GLUD1: variants seen among roughly 807,000 people sequenced by gnomAD.
GLUD1 encodes glutamate dehydrogenase 1, mitochondrial.
Under a neutral mutation model 56.0 loss-of-function variants are expected in GLUD1, and 22 were observed. That is an observed-to-expected ratio of 0.39 (90% CI 0.28 to 0.56). The LOEUF (loss-of-function observed/expected upper bound fraction) is 0.56, where lower values mean the gene tolerates loss of function less well. Ranked by LOEUF, GLUD1 falls within the 20% of genes least tolerant of loss-of-function variation. The pLI, the probability that GLUD1 is intolerant of heterozygous loss-of-function variation, is 0.58. For synonymous variants in GLUD1, 223 were observed against 269.9 expected, an observed-to-expected ratio of 0.83 and a Z score of 1.70; for missense variants, 451 against 732.0, an observed-to-expected ratio of 0.62 and a Z score of 4.43.
chr10:87,060,554 G>A (rs540783202), intron 8 of GLUD1, 134 bp downstream of exon 8: 2 of 1,096,000 alleles, frequency 1.8e-6, no homozygotes, highest in East Asian at 2.3e-5. Context: ...TTAAATGGGG[G>A]AACTGTATGG....
chr10:87,055,590 G>C (rs1845751127), intron 11 of GLUD1, among the ~76,000 whole-genome samples: 1 of 152,128 alleles, frequency 6.6e-6, no homozygotes, highest in Non-Finnish European at 1.5e-5. Context: ...GAGACTTTCA[G>C]AGAGAGCCAC....
intron 5 of GLUD1, among the ~76,000 whole-genome samples, chr10:87,065,932 T>A (rs1431018102): frequency 6.6e-6 from 1 of 152,126 alleles, no homozygotes; most frequent in Non-Finnish European, 1.5e-5. Context: ...TCTGCCCATG[T>A]TCCCAGCCAC....
intron 1 of GLUD1, among the ~76,000 whole-genome samples, chr10:87,092,943 G>T (rs137982301): frequency 5.3e-5 from 8 of 152,126 alleles, no homozygotes; most frequent in Non-Finnish European, 1.0e-4. Flanking sequence ...GGAGACTGAC[G>T]GTGTGTACAT....
chr10:87,065,852 A>C (rs1846062335), intron 5 of GLUD1, among the ~76,000 whole-genome samples: 1 of 152,120 alleles, frequency 6.6e-6, no homozygotes, highest in South Asian at 2.1e-4. Context: ...GCATAGGAGG[A>C]AATGGAGGCA....
chr10:87,082,544 A>C (rs1841287398), intron 1 of GLUD1, among the ~76,000 whole-genome samples: 1 of 152,258 alleles, frequency 6.6e-6, no homozygotes, highest in African/African-American at 2.4e-5. Context: ...TAAAGAAAGT[A>C]CCAGCTTAGT....
At chr10:87,091,243 TG>T (rs11306284) in intron 1 of GLUD1, among the ~76,000 whole-genome samples, 103,077 of 151,336 alleles carry the variant, frequency 0.68, 35,460 homozygotes, top group East Asian at 0.84. Flanking sequence ...TCAAGACAAC[TG>T]GGGGGGGGCA....
Position 87,068,033 on chromosome 10 carries a change from G to A in GLUD1, c.741+30C>T, listed in dbSNP as rs747452517. 6.9e-6 allele frequency: 9 copies of A among 1,307,734 alleles called. No individual in the cohort carries two copies. In the South Asian group the frequency reaches 8.2e-5, roughly 12 times the overall value. The allele number at this position is 1,307,734 out of a possible 1,614,324, so 81.0% of individuals were successfully genotyped here. ...TTAATTCTTGTAGACAGCAAATGCA[G>A]AAGCCTCGGGGCTTCCAGTGGGTAC... On this transcript the variant is annotated intron_variant, in intron 5 of 12. Transcript: ENST00000277865.
intron 1 of GLUD1, among the ~76,000 whole-genome samples, chr10:87,080,183 G>A (rs1439314918): frequency 2.6e-5 from 4 of 151,966 alleles, no homozygotes; most frequent in Admixed American, 6.6e-5. Flanking sequence ...CGAGTGATCC[G>A]CCAGCCTAGG....
At chr10:87,090,781 T>C (rs976109367) in intron 1 of GLUD1, among the ~76,000 whole-genome samples, 3 of 152,238 alleles carry the variant, frequency 2.0e-5, no homozygotes, top group Non-Finnish European at 2.9e-5. Context: ...TTAAAAATAT[T>C]AGAAACTGTG....
In GLUD1 at chr10:87,068,097, A is replaced by T; in HGVS notation, c.707T>A (p.Ile236Asn). The T allele has an allele frequency of 6.2e-7, 1 of 1,613,254 alleles. No homozygotes were observed. The highest frequency in any genetic ancestry group is 8.5e-7 in the Non-Finnish European group (1 of 1,179,180). ...MSTGEREMSWIADTYASTIGH... is the reference protein window; with the variant it reads ...MSTGEREMSWNADTYASTIGH... ...TATGGTGCTGGCATAGGTATCAGCGATCCAGGACATCTCCCGCTCACCTGT... is the reference window on the plus strand; with the variant it reads ...TATGGTGCTGGCATAGGTATCAGCGTTCCAGGACATCTCCCGCTCACCTGT... Residue 236 changes from isoleucine (I) to asparagine (N), a missense_variant, in exon 5 of 13, where the codon ATC becomes AAC. Ile to Asn is a moderately radical substitution (Grantham distance 149). Coordinates refer to ENST00000277865, the MANE Select transcript of GLUD1 (RefSeq NM_005271.5).
rs1038395167 is a variant in GLUD1 at position 87,094,014 on chromosome 10, C to T, written c.445+311G>A. 2.0e-6 allele frequency: 3 copies of T among 1,474,262 alleles called. No homozygotes were observed. The highest frequency in any genetic ancestry group is 2.0e-5 in the Admixed American group (1 of 49,002). The allele number at this position is 1,474,262 out of a possible 1,614,324, so 91.3% of individuals were successfully genotyped here. A position where few individuals can be genotyped will look rare whatever the true frequency, so the allele number is the denominator to read the frequency against. On this transcript the variant is annotated intron_variant, in intron 1 of 12. Transcript: ENST00000277865. This position sits in a 1 kb window ranked among gnomAD's most constrained non-coding sequence, Gnocchi z 6.6. The stretch of plus-strand genomic sequence containing the variant: ...AGAAGTGCATTTCGGCAGGACCCGC[C>T]GTGTGTGACACAGACACCGGGACCA...
At chr10:87,086,158 C>A (rs1841376668) in intron 1 of GLUD1, among the ~76,000 whole-genome samples, 1 of 152,190 alleles carries the variant, frequency 6.6e-6, no homozygotes, top group African/African-American at 2.4e-5. Context: ...GGCAGAGGGA[C>A]TGCACTATTC....
intron 4 of GLUD1, among the ~76,000 whole-genome samples, chr10:87,068,560 G>A (rs1009226475): frequency 2.7e-4 from 41 of 152,168 alleles, no homozygotes; most frequent in African/African-American, 9.2e-4. Flanking sequence ...TTAGGGAGTT[G>A]ACATGTATGA....
intron 3 of GLUD1, 42 bp downstream of exon 3, chr10:87,075,926 A>C: frequency 7.5e-7 from 1 of 1,330,560 alleles, no homozygotes; most frequent in Non-Finnish European, 1.1e-6. Context: ...AAAAACAAAA[A>C]CAACAACAAC....
At chr10:87,063,751 A>T (rs964435166) in intron 5 of GLUD1, among the ~76,000 whole-genome samples, 1 of 152,234 alleles carries the variant, frequency 6.6e-6, no homozygotes, top group Non-Finnish European at 1.5e-5. Context: ...AAGTATTTTT[A>T]AAAAGGTATG....
intron 11 of GLUD1, among the ~76,000 whole-genome samples, chr10:87,057,203 G>C (rs1312734733): frequency 1.3e-5 from 2 of 152,004 alleles, no homozygotes; most frequent in African/African-American, 4.8e-5. Flanking sequence ...TGGCCAGGAT[G>C]GTGTCGATGA....
intron 1 of GLUD1, chr10:87,089,565 G>C: frequency 2.4e-5 from 23 of 968,160 alleles, no homozygotes; most frequent in Non-Finnish European, 2.8e-5. Flanking sequence ...ATCTGACCTT[G>C]GTGAAGGCAG....
At chr10:87,082,049 C>CA (rs1235568260) in intron 1 of GLUD1, among the ~76,000 whole-genome samples, 2 of 151,808 alleles carry the variant, frequency 1.3e-5, no homozygotes, top group African/African-American at 4.8e-5. Context: ...GTCATCACCA[C>CA]ATTATTTTTA....
chr10:87,053,547 G>C, intron 11 of GLUD1, 143 bp from the exon 12 acceptor site: 1 of 698,084 alleles, frequency 1.4e-6, no homozygotes. Flanking sequence ...TTTCTGCACA[G>C]TATCAAAGAT....
Sources: allele counts gnomAD v4.1 joint callset (sites outside exome capture counted in the v4.1 genomes callset), GRCh38; gene constraint gnomAD v4.1.1; non-coding constraint Gnocchi (gnomAD v3.1); transcripts MANE v1.5; gene names NCBI Gene and HGNC (gene_info 2026-07-23, HGNC 2026-07-21).